Variants in LRRC18 observed in about 807,000 individuals in gnomAD.
LRRC18 encodes the protein leucine-rich repeat-containing protein 18.
A neutral mutation model predicts 11.2 loss-of-function variants in LRRC18; 12 were observed. The ratio of observed to expected loss-of-function variants is 1.07; its 90% CI spans 0.69 to 1.74. LRRC18 has a LOEUF of 1.74. Among genes scored for constraint, LRRC18 ranks in the 40% most tolerant of loss-of-function variants. The pLI is 0.00. For synonymous variants in LRRC18, 155 were observed against 130.6 expected, an observed-to-expected ratio of 1.19 and a Z score of -1.27; for missense variants, 374 against 330.5, an observed-to-expected ratio of 1.13 and a Z score of -1.02.
exon 1 of LRRC18, chr10:48,913,701 T>C: frequency 1.2e-6 from 2 of 1,612,634 alleles, no homozygotes; most frequent in Non-Finnish European, 1.7e-6. Context: ...TAGGTTGTCA[T>C]GGAGCCCTAC....
chr10:48,910,605 A>C (rs943766434), intron 1 of LRRC18, among the ~76,000 whole-genome samples: 2 of 152,184 alleles, frequency 1.3e-5, no homozygotes, highest in African/African-American at 2.4e-5. Flanking sequence ...TGCTGCCAGC[A>C]TTTCCTGGCT....
At chr10:48,923,502 A>G in the LRRC18 span, among the ~76,000 whole-genome samples, 14 of 55,442 alleles carry the variant, frequency 2.5e-4, 2 homozygotes, top group Non-Finnish European at 5.9e-4. Flanking sequence ...TTTAGTATAT[A>G]TATATATATA....
chr10:48,915,172 T>C (rs1838399632), upstream of LRRC18, among the ~76,000 whole-genome samples: 1 of 152,208 alleles, frequency 6.6e-6, no homozygotes, highest in African/African-American at 2.4e-5. Flanking sequence ...AATTATCTAA[T>C]ACTATAAAGC....
the LRRC18 span, among the ~76,000 whole-genome samples, chr10:48,926,661 ATGTACCATATATAT>A: frequency 6.6e-6 from 1 of 152,166 alleles, no homozygotes; most frequent in Non-Finnish European, 1.5e-5. Context: ...ATTTTCATAG[ATGTACCATATATAT>A]GTGGGTATAT....
Position 48,913,559 on chromosome 10 carries a change from A to C in LRRC18, c.597T>G (p.Tyr199Ter), listed in dbSNP as rs778157961. ...CACACAGATCCTTCTCCTCCACAAC[A>C]TACAAGTTCTCCAGCCTCCTGATGG... Residue 199 changes from tyrosine (Y) to a stop codon, truncating the protein, a stop_gained, in exon 1 of 2, where the codon TAT (tyrosine) becomes TAG (stop). Transcript: ENST00000374160. LOFTEE classifies it high-confidence loss of function. 6.2e-7 allele frequency: 1 copy of C among 1,613,908 alleles called. No individual in the cohort carries two copies. Among genetic ancestry groups the C allele is most frequent in the Non-Finnish European group, 8.5e-7 (1 of 1,180,000 alleles).
chr10:48,926,944 T>C, the LRRC18 span, among the ~76,000 whole-genome samples: 1 of 151,978 alleles, frequency 6.6e-6, no homozygotes, highest in African/African-American at 2.4e-5. Context: ...CCACATGGAG[T>C]GTGAGTCAAG....
At chr10:48,925,857 C>G in the LRRC18 span, among the ~76,000 whole-genome samples, 1 of 152,146 alleles carries the variant, frequency 6.6e-6, no homozygotes, top group African/African-American at 2.4e-5. Context: ...GTAATTGCCT[C>G]AAACATGCTG....
chr10:48,914,011 G>A (rs776108946), exon 1 of LRRC18: 2 of 1,614,064 alleles, frequency 1.2e-6, no homozygotes, highest in African/African-American at 1.3e-5. Flanking sequence ...ATGTCACTAA[G>A]GCGCAGAATA....
chr10:48,921,593 T>G, the LRRC18 span, among the ~76,000 whole-genome samples: 1 of 69,348 alleles, frequency 1.4e-5, no homozygotes, highest in Non-Finnish European at 3.1e-5. Context: ...TGAACACAAT[T>G]AAAAGCTCTG....
chr10:48,929,517 T>TC, the LRRC18 span, among the ~76,000 whole-genome samples: 177 of 152,148 alleles, frequency 1.2e-3, 2 homozygotes, highest in Non-Finnish European at 2.1e-4. Context: ...CCCCCTGAGG[T>TC]CCATGGCCAA....
At chr10:48,925,061 G>A in the LRRC18 span, among the ~76,000 whole-genome samples, 1 of 152,220 alleles carries the variant, frequency 6.6e-6, no homozygotes, top group Non-Finnish European at 1.5e-5. Flanking sequence ...GCAGTTTCAT[G>A]TCATGTGGAT....
exon 1 of LRRC18, chr10:48,913,530 G>C: frequency 6.2e-7 from 1 of 1,614,036 alleles, no homozygotes; most frequent in South Asian, 1.1e-5. Context: ...TCTCAGGCAA[G>C]CCGCACACAG....
exon 1 of LRRC18, chr10:48,913,970 G>A (rs1838258177): frequency 1.2e-6 from 2 of 1,614,186 alleles, no homozygotes; most frequent in Non-Finnish European, 1.7e-6. Context: ...GGATCTTCCT[G>A]ATAAGATTCC....
intron 1 of LRRC18, 36 bp downstream of exon 3, chr10:48,913,356 C>A (rs1241131459): frequency 6.3e-7 from 1 of 1,589,144 alleles, no homozygotes; most frequent in Admixed American, 1.7e-5. Flanking sequence ...CTCCCTCTCT[C>A]TTTCCCTTCT....
upstream of LRRC18, among the ~76,000 whole-genome samples, chr10:48,918,868 C>A (rs1838790735): frequency 6.6e-6 from 1 of 152,196 alleles, no homozygotes; most frequent in African/African-American, 2.4e-5. Context: ...CTAGTTGTAA[C>A]AATCAATAAT....
chr10:48,923,496 G>GTATATATATATATATATATA, the LRRC18 span, among the ~76,000 whole-genome samples: 107 of 63,148 alleles, frequency 1.7e-3, 8 homozygotes, highest in South Asian at 2.9e-3. Flanking sequence ...ATAGTTTTTA[G>GTATATATATATATATATATA]TATATATATA....
chr10:48,913,338 C>G, intron 1 of LRRC18, 54 bp downstream of exon 3: 2 of 1,547,772 alleles, frequency 1.3e-6, no homozygotes, highest in Non-Finnish European at 1.8e-6. Context: ...AGCCCACTGC[C>G]CTCTTCCCTC....
chr10:48,938,954 C>T, the LRRC18 span, among the ~76,000 whole-genome samples: 21 of 152,270 alleles, frequency 1.4e-4, no homozygotes, highest in Admixed American at 7.8e-4. Flanking sequence ...GCCGGGTAAC[C>T]GCCACAATCC....
chr10:48,924,675 A>T, the LRRC18 span, among the ~76,000 whole-genome samples: 1 of 152,324 alleles, frequency 6.6e-6, no homozygotes, highest in East Asian at 1.9e-4. Flanking sequence ...TTAATTTCTA[A>T]TTAATTTTTT....
Sources: allele counts gnomAD v4.1 joint callset (sites outside exome capture counted in the v4.1 genomes callset), GRCh38; gene constraint gnomAD v4.1.1; transcripts MANE v1.5; gene names NCBI Gene and HGNC (gene_info 2026-07-23, HGNC 2026-07-21).